Variants in TIRAP observed in about 807,000 individuals in gnomAD.
TIRAP encodes toll/interleukin-1 receptor domain-containing adapter protein.
Under a neutral mutation model 19.8 loss-of-function variants are expected in TIRAP, and 20 were observed. That is an observed-to-expected ratio of 1.01 (90% CI 0.71 to 1.47). The LOEUF (loss-of-function observed/expected upper bound fraction) is 1.47, where lower values mean the gene tolerates loss of function less well. Ranked by LOEUF, TIRAP falls within the 40% of genes most tolerant of loss-of-function variation. The pLI, the probability that TIRAP is intolerant of heterozygous loss-of-function variation, is 0.00. For missense variants in TIRAP, 276 were observed against 285.1 expected (o/e 0.97, Z 0.23); for synonymous variants, 125 against 121.7 (o/e 1.03, Z -0.18).
intron 1 of TIRAP, among the ~76,000 whole-genome samples, chr11:126,285,208 G>T (rs1951304664): frequency 7.9e-6 from 1 of 126,382 alleles, no homozygotes; most frequent in African/African-American, 2.8e-5. Context: ...AAATATTTGT[G>T]ATATAAGACA....
At chr11:126,292,346 A>G in intron 3 of TIRAP, 131 bp from the exon 4 acceptor site, 1 of 907,510 alleles carries the variant, frequency 1.1e-6, no homozygotes, top group Non-Finnish European at 1.6e-6. Context: ...CTCTGAGAAT[A>G]AGATGTTTCC....
chr11:126,289,137 A>C (rs996333721), intron 1 of TIRAP, among the ~76,000 whole-genome samples: 2 of 151,960 alleles, frequency 1.3e-5, no homozygotes, highest in African/African-American at 2.4e-5. Context: ...ACCCATTCCA[A>C]CCCTTTGCTC....
chr11:126,287,704 C>T lies in TIRAP; in HGVS notation c.-216-2758C>T, dbSNP rs1951337602. Among the ~76,000 whole-genome samples, 1 of 152,178 alleles carries T rather than the reference C, an allele frequency of 6.6e-6. No homozygotes were observed. The highest frequency in any genetic ancestry group is 1.5e-5 in the Non-Finnish European group (1 of 68,038). On this transcript the variant is annotated intron_variant, in intron 1 of 4. Coordinates refer to ENST00000392679, the MANE Select transcript of TIRAP (RefSeq NM_001318777.2). The surrounding 1 kb of genome is among the most constrained non-coding windows in gnomAD (Gnocchi z 4.2). ...AATATTGGAAAAGCATTCTAGAAAG[C>T]ACTAAAGGTATTGTGCTACTTCTTT...
intron 3 of TIRAP, among the ~76,000 whole-genome samples, chr11:126,292,219 G>A (rs527324282): frequency 8.7e-5 from 13 of 148,998 alleles, no homozygotes; most frequent in South Asian, 2.1e-4. Flanking sequence ...CAGGAGAATC[G>A]CTTGAACCTG....
At position 126,290,478 on chromosome 11, in the gene TIRAP, C is replaced by T. The variant is rs926191448; in HGVS notation, c.-200C>T. 1.0e-6 allele frequency: 1 copy of T among 996,454 alleles called. No individual in the cohort carries two copies. The highest frequency in any genetic ancestry group is 1.2e-6 in the Non-Finnish European group (1 of 837,530). 61.7% of individuals were successfully genotyped at this position (996,454 alleles called of 1,614,324 possible). On this transcript the variant is annotated 5_prime_UTR_variant, in exon 2 of 5. Transcript: ENST00000392679. The surrounding 1 kb of genome is among the most constrained non-coding windows in gnomAD (Gnocchi z 4.9). Reference sequence around the variant, plus strand: ...CCATTTCAGGCCTTACATAGGAAGTCCTTCTAAAGAGCTGCCTGCCAGCTG... The same window carrying T: ...CCATTTCAGGCCTTACATAGGAAGTTCTTCTAAAGAGCTGCCTGCCAGCTG...
chr11:126,293,567 T>G, intron 4 of TIRAP, 101 bp from the exon 5 acceptor site: 2 of 1,360,920 alleles, frequency 1.5e-6, no homozygotes, highest in South Asian at 2.4e-5. Context: ...GCAGTAGGTT[T>G]GGAAGTGTAA....
At chr11:126,286,927 C>T (rs1951328855) in intron 1 of TIRAP, among the ~76,000 whole-genome samples, 1 of 152,208 alleles carries the variant, frequency 6.6e-6, no homozygotes, top group Non-Finnish European at 1.5e-5. Flanking sequence ...TTCTAGAGGC[C>T]ACCTGCATCC....
At chr11:126,292,422 G>A in intron 3 of TIRAP, 55 bp from the exon 4 acceptor site, 1 of 1,588,894 alleles carries the variant, frequency 6.3e-7, no homozygotes. Context: ...CCCTGTGTGG[G>A]CAGTGAGAGG....
Position 126,291,260 on chromosome 11 carries a change from A to G in TIRAP, c.67+299A>G. 1.8e-6 allele frequency: 1 copy of G among 557,160 alleles called. No homozygotes were observed. Among genetic ancestry groups the G allele is most frequent in the Non-Finnish European group, 3.1e-6 (1 of 321,046 alleles). The allele number at this position is 557,160 out of a possible 1,614,324, so 34.5% of individuals were successfully genotyped here. On this transcript the variant is annotated intron_variant, in intron 3 of 4. Transcript: ENST00000392679. This position sits in a 1 kb window ranked among gnomAD's most constrained non-coding sequence, Gnocchi z 5.6. ...CTTAACACTGTCTCTTGTCGTCCAA[A>G]TCTTTGTTCCAGAACCATTTAGAGG...
rs745973224 is a variant in TIRAP, at chr11:126,292,634, T to A, written c.225T>A (p.Ser75Arg). 2.5e-6 allele frequency: 4 copies of A among 1,613,994 alleles called. No individual in the cohort carries two copies. In the Admixed American group the frequency reaches 6.7e-5, roughly 27 times the overall value. ...CCAGCCTGCCACCCACACATGCGAG[T>A]GACAGTGGCAGTAGTCGCTGGAGCA... Reference protein sequence around the residue: ...TSPSLPPTHASDSGSSRWSKD... With the variant: ...TSPSLPPTHARDSGSSRWSKD... The change falls in exon 4 of 5, where the codon AGT becomes AGA. Residue 75 changes from serine (S) to arginine (R), a missense_variant. By Grantham distance (110) the Ser-to-Arg change is moderately radical (BLOSUM62 -1). Coordinates refer to ENST00000392679, the MANE Select transcript of TIRAP (RefSeq NM_001318777.2).
chr11:126,285,056 A>G (rs1565362562), intron 1 of TIRAP, among the ~76,000 whole-genome samples: 2 of 151,686 alleles, frequency 1.3e-5, no homozygotes, highest in Non-Finnish European at 2.9e-5. Context: ...GCAGTGATGC[A>G]TTGAGGTTTT....
chr11:126,290,899 C>CA lies in TIRAP; in HGVS notation c.6dup (p.Ser3IlefsTer13), dbSNP rs776649284. The stretch of plus-strand genomic sequence containing the variant: ...GCTAGTTTTGACCCCCACGCTATGG[C>CA]ATCATCGACCTCCCTCCCAGCTCCT... On this transcript the variant is annotated frameshift_variant, in exon 3 of 5. Coordinates refer to ENST00000392679, the MANE Select transcript of TIRAP (RefSeq NM_001318777.2). LOFTEE classifies it high-confidence loss of function. The surrounding 1 kb of genome is among the most constrained non-coding windows in gnomAD (Gnocchi z 4.9). 4.5e-5 allele frequency: 72 copies of CA among 1,605,314 alleles called. No individual in the cohort carries two copies. In the South Asian group the frequency reaches 7.0e-4, roughly 16 times the overall value.
In TIRAP at chr11:126,290,035, G is replaced by C. The variant is rs750067582; in HGVS notation, c.-216-427G>C. Among the ~76,000 whole-genome samples the C allele has an allele frequency of 2.0e-5, 3 of 152,148 alleles. No individual in the cohort carries two copies. Among genetic ancestry groups the C allele is most frequent in the Non-Finnish European group, 4.4e-5 (3 of 68,024 alleles). ...ACATAATATACCCCTCCAATATCTA[G>C]ATTATTTTATATACATAGTAGCCCA... On this transcript the variant is annotated intron_variant, in intron 1 of 4. Transcript: ENST00000392679. The surrounding 1 kb of genome is among the most constrained non-coding windows in gnomAD (Gnocchi z 4.9).
At chr11:126,285,627 T>C (rs1438681266) in intron 1 of TIRAP, among the ~76,000 whole-genome samples, 2 of 152,170 alleles carry the variant, frequency 1.3e-5, no homozygotes, top group Non-Finnish European at 2.9e-5. Context: ...TTTATGTCTT[T>C]TGATGAACAG....
rs1565366277 is a variant in TIRAP, at chr11:126,294,639, A to G, written c.*952A>G. ...GGCAAGGTTTCATTCATCTGTTCTC[A>G]GTAAGTTTGTTGTTGAACTGAAATG... On this transcript the variant is annotated 3_prime_UTR_variant, in exon 5 of 5. Transcript: ENST00000392679. 4.6e-6 allele frequency: 2 copies of G among 439,064 alleles called. No individual in the cohort carries two copies. Among genetic ancestry groups the G allele is most frequent in the African/African-American group, 4.0e-5 (2 of 49,396 alleles). The allele number at this position is 439,064 out of a possible 1,614,324, so 27.2% of individuals were successfully genotyped here. A position where few individuals can be genotyped will look rare whatever the true frequency, so the allele number is the denominator to read the frequency against.
chr11:126,294,749 T>G lies in TIRAP; in HGVS notation c.*1062T>G, dbSNP rs181355081. ...GACCCCTCTTTTGCTGAAAAAAATT[T>G]TTATTATTTTTTCTATCTCTAGTTC... On this transcript the variant is annotated 3_prime_UTR_variant, in exon 5 of 5. Transcript: ENST00000392679. The G allele has an allele frequency of 3.4e-6, 1 of 296,560 alleles. No individual in the cohort carries two copies. The highest frequency in any genetic ancestry group is 9.3e-5 in the East Asian group (1 of 10,790). 18.4% of individuals were successfully genotyped at this position (296,560 alleles called of 1,614,324 possible). A position where few individuals can be genotyped will look rare whatever the true frequency, so the allele number is the denominator to read the frequency against.
At position 126,291,546 on chromosome 11, in the gene TIRAP, A is replaced by G. The variant is rs1199392624; in HGVS notation, c.67+585A>G. The stretch of plus-strand genomic sequence containing the variant: ...AGACAGGTCCACAAGTCCACAGTCA[A>G]AGCCGTGTCCCTGACTCCAGAGTGT... On this transcript the variant is annotated intron_variant, in intron 3 of 4. Coordinates refer to ENST00000392679, the MANE Select transcript of TIRAP (RefSeq NM_001318777.2). The surrounding 1 kb of genome is among the most constrained non-coding windows in gnomAD (Gnocchi z 5.6). 4.8e-6 allele frequency: 3 copies of G among 621,408 alleles called. No homozygotes were observed. The highest frequency in any genetic ancestry group is 7.9e-6 in the Non-Finnish European group (3 of 377,680). 38.5% of individuals were successfully genotyped at this position (621,408 alleles called of 1,614,324 possible). A position where few individuals can be genotyped will look rare whatever the true frequency, so the allele number is the denominator to read the frequency against.
intron 1 of TIRAP, 137 bp downstream of exon 1, chr11:126,283,290 G>A: frequency 3.1e-6 from 1 of 319,442 alleles, no homozygotes; most frequent in Non-Finnish European, 4.5e-6. Flanking sequence ...CCTCTGGTCC[G>A]GCCTTGCCCT....
Position 126,285,243 on chromosome 11 carries a change from G to GTA in TIRAP, c.-217+2107_-217+2108dup, listed in dbSNP as rs1555068788. Among the ~76,000 whole-genome samples the GTA allele has an allele frequency of 1.1e-3, 119 of 106,970 alleles. 1 individual carries two copies. Among genetic ancestry groups the GTA allele is most frequent in the African/African-American group, 1.9e-3 (54 of 28,244 alleles). 70.2% of individuals were successfully genotyped at this position (106,970 alleles called of 152,430 possible). ...ATTTATTGGATATATGTGTGTGTGT[G>GTA]TATATATATATATATATAATATATA... is the stretch of plus-strand genomic sequence containing the variant. On this transcript the variant is annotated intron_variant, in intron 1 of 4. Coordinates refer to ENST00000392679, the MANE Select transcript of TIRAP (RefSeq NM_001318777.2).
Sources: gnomAD v4.1 joint callset for allele counts (sites outside exome capture counted in the v4.1 genomes callset) on GRCh38, gnomAD v4.1.1 for gene constraint, Gnocchi (gnomAD v3.1) non-coding constraint, MANE v1.5 for transcripts, NCBI Gene and HGNC (gene_info 2026-07-23, HGNC 2026-07-21) for gene names.